Variants in ADAMTS18 observed in about 807,000 individuals in gnomAD.
The protein encoded by ADAMTS18 is A disintegrin and metalloproteinase with thrombospondin motifs 18.
In ADAMTS18, 157 loss-of-function variants were observed where a neutral mutation model predicts 165.9. The observed-to-expected ratio is 0.95, with a 90% CI of 0.83 to 1.08. The LOEUF (loss-of-function observed/expected upper bound fraction) is 1.08. Among genes scored for constraint, ADAMTS18 ranks in the 50% least tolerant of loss-of-function variants. The probability of loss-of-function intolerance (pLI) is 0.00; values close to 1 mark genes in which losing one functional copy is unlikely to be tolerated. For missense variants in ADAMTS18, 2,040 were observed against 1,534.0 expected, an observed-to-expected ratio of 1.33 and a Z score of -5.51; for synonymous variants, 782 against 578.2, an observed-to-expected ratio of 1.35 and a Z score of -5.06.
chr16:77,396,671 T>C (rs891957987), intron 3 of ADAMTS18, among the ~76,000 whole-genome samples: 1 of 152,260 alleles, frequency 6.6e-6, no homozygotes, highest in South Asian at 2.1e-4. Flanking sequence ...CAAGAAGGCA[T>C]GTAAGATATG....
chr16:77,386,482 C>G (rs997622378), intron 3 of ADAMTS18, among the ~76,000 whole-genome samples: 3 of 152,152 alleles, frequency 2.0e-5, no homozygotes, highest in Non-Finnish European at 2.9e-5. Flanking sequence ...TCAAGAGAAG[C>G]CATAAATTCC....
intron 3 of ADAMTS18, among the ~76,000 whole-genome samples, chr16:77,383,520 G>C (rs1367117163): frequency 2.0e-5 from 3 of 151,150 alleles, no homozygotes; most frequent in Non-Finnish European, 3.0e-5. Context: ...ACTTCATGTA[G>C]GTTTTTGTCC....
chr16:77,382,031 C>T (rs573284487), intron 3 of ADAMTS18, among the ~76,000 whole-genome samples: 3 of 152,214 alleles, frequency 2.0e-5, no homozygotes, highest in East Asian at 1.9e-4. Flanking sequence ...GTATATTCTA[C>T]GTACTTTCAG....
intron 3 of ADAMTS18, among the ~76,000 whole-genome samples, chr16:77,413,010 T>C (rs2057484932): frequency 6.6e-6 from 1 of 152,072 alleles, no homozygotes; most frequent in Non-Finnish European, 1.5e-5. Context: ...ATAATGCATT[T>C]CTTTACACAC....
At chr16:77,338,420 A>C (rs2056345068) in intron 11 of ADAMTS18, among the ~76,000 whole-genome samples, 1 of 151,750 alleles carries the variant, frequency 6.6e-6, no homozygotes, top group Non-Finnish European at 1.5e-5. Flanking sequence ...TATTTTTAGT[A>C]GAGATGGAAT....
intron 12 of ADAMTS18, among the ~76,000 whole-genome samples, chr16:77,333,392 C>T (rs910574659): frequency 6.6e-6 from 1 of 151,430 alleles, no homozygotes; most frequent in African/African-American, 2.4e-5. Flanking sequence ...TTGATAGGTG[C>T]AGCAAACCAC....
rs758214102 is a variant in ADAMTS18 at position 77,362,173 on chromosome 16, T to C, written c.1148A>G (p.His383Arg). The C allele has an allele frequency of 2.5e-6, 4 of 1,614,128 alleles. No homozygotes were observed. The highest frequency in any genetic ancestry group is 3.4e-6 in the Non-Finnish European group (4 of 1,179,984). The change falls in exon 7 of 23, where the codon CAT (histidine) becomes CGT (arginine). Residue 383 changes from histidine (H) to arginine (R), a missense_variant. His to Arg is a conservative substitution (Grantham distance 29, BLOSUM62 0). Coordinates refer to ENST00000282849, the MANE Select transcript of ADAMTS18 (RefSeq NM_199355.4). ...SALIGKNGKR[H>R]DHAILLTGFD... ...TCCTGTTAGTAAGATGGCATGATCA[T>C]GTCTCTTGCCATTCTTTCCAATGAG...
chr16:77,367,233 A>T (rs1366582416), intron 4 of ADAMTS18, among the ~76,000 whole-genome samples: 4 of 152,294 alleles, frequency 2.6e-5, no homozygotes, highest in African/African-American at 4.8e-5. Context: ...AAGAGTAAAA[A>T]AGAAACCTTA....
chr16:77,307,926 G>C (rs548782340), intron 16 of ADAMTS18, among the ~76,000 whole-genome samples: 28 of 152,252 alleles, frequency 1.8e-4, no homozygotes, highest in Admixed American at 1.2e-3. Flanking sequence ...CAATGTGCCT[G>C]TCCACCTGGT....
chr16:77,318,585 A>G (rs2055929442), intron 16 of ADAMTS18, among the ~76,000 whole-genome samples: 1 of 152,194 alleles, frequency 6.6e-6, no homozygotes, highest in African/African-American at 2.4e-5. Flanking sequence ...TATTACAGTC[A>G]TGATAACAAC....
At chr16:77,407,481 C>T (rs1433280358) in intron 3 of ADAMTS18, among the ~76,000 whole-genome samples, 1 of 151,984 alleles carries the variant, frequency 6.6e-6, no homozygotes, top group African/African-American at 2.4e-5. Context: ...GCAAAGAACA[C>T]AATATAGTCA....
intron 10 of ADAMTS18, among the ~76,000 whole-genome samples, chr16:77,349,888 T>G (rs2056531093): frequency 6.6e-6 from 1 of 152,226 alleles, no homozygotes; most frequent in South Asian, 2.1e-4. Context: ...CTACTCAGCT[T>G]CAAACTCTCA....
chr16:77,302,961 C>A (rs2055613306), intron 16 of ADAMTS18, among the ~76,000 whole-genome samples: 1 of 152,180 alleles, frequency 6.6e-6, no homozygotes, highest in African/African-American at 2.4e-5. Flanking sequence ...TCAAGCTTCC[C>A]CAGACCTTCA....
intron 3 of ADAMTS18, among the ~76,000 whole-genome samples, chr16:77,422,785 A>G (rs1285908844): frequency 1.3e-5 from 2 of 152,128 alleles, no homozygotes. Context: ...CAATATATAA[A>G]CAAGAACAAT....
intron 3 of ADAMTS18, among the ~76,000 whole-genome samples, chr16:77,420,623 T>C (rs1325445150): frequency 6.6e-6 from 1 of 152,224 alleles, no homozygotes; most frequent in African/African-American, 2.4e-5. Flanking sequence ...AAGGACGGAA[T>C]TCATCCTACT....
At chr16:77,432,182 A>T (rs1460015810) in intron 2 of ADAMTS18, among the ~76,000 whole-genome samples, 1 of 152,152 alleles carries the variant, frequency 6.6e-6, no homozygotes. Flanking sequence ...TTTTTCCAAT[A>T]TTATTTATGT....
chr16:77,358,594 T>C (rs924963849), intron 8 of ADAMTS18, among the ~76,000 whole-genome samples: 18 of 152,094 alleles, frequency 1.2e-4, no homozygotes, highest in Non-Finnish European at 2.5e-4. Flanking sequence ...CACCAACATA[T>C]AAAAATACCA....
intron 16 of ADAMTS18, among the ~76,000 whole-genome samples, chr16:77,310,347 A>G (rs274535): frequency 0.51 from 77,105 of 152,056 alleles, 20,309 homozygotes; most frequent in African/African-American, 0.54. Context: ...GGGTGCTCTA[A>G]AAGTACTTCA....
chr16:77,321,331 T>C, intron 14 of ADAMTS18, 129 bp from the exon 15 acceptor site: 1 of 1,268,130 alleles, frequency 7.9e-7, no homozygotes, highest in Non-Finnish European at 1.1e-6. Context: ...TGGTTAAAAA[T>C]CACAGCCTCA....
Sources: gnomAD v4.1 joint callset for allele counts (sites outside exome capture counted in the v4.1 genomes callset) on GRCh38, gnomAD v4.1.1 for gene constraint, MANE v1.5 for transcripts, NCBI Gene and HGNC (gene_info 2026-07-23, HGNC 2026-07-21) for gene names.